The following AGBL4 variants were observed in gnomAD, a reference collection of about 807,000 sequenced individuals.
AGBL4 encodes AGBL carboxypeptidase 4, also known as cytosolic carboxypeptidase 6.
A neutral mutation model predicts 66.4 loss-of-function variants in AGBL4; 58 were observed. The ratio of observed to expected loss-of-function variants is 0.87; its 90% CI spans 0.71 to 1.09. The LOEUF is 1.09. Ranked by LOEUF, AGBL4 falls within the 50% of genes least tolerant of loss-of-function variation. AGBL4 has a pLI of 0.00. For missense variants in AGBL4, 579 were observed against 631.0 expected (o/e 0.92, Z 0.88); for synonymous variants, 234 against 222.9 (o/e 1.05, Z -0.44).
chr1:49,928,502 ACCTCCC>A (rs2148257614), intron 1 of AGBL4, among the ~76,000 whole-genome samples: 1 of 151,920 alleles, frequency 6.6e-6, no homozygotes, highest in East Asian at 1.9e-4. Context: ...ACCCACCTTG[ACCTCCC>A]AAAGTGCTGA....
intron 1 of AGBL4, among the ~76,000 whole-genome samples, chr1:49,985,059 C>T (rs1659385130): frequency 6.6e-6 from 1 of 152,136 alleles, no homozygotes; most frequent in South Asian, 2.1e-4. Flanking sequence ...TACAGTACTA[C>T]ATGCTTGGGA....
chr1:49,061,286 C>T (rs1219958111), intron 4 of AGBL4, among the ~76,000 whole-genome samples: 1 of 152,110 alleles, frequency 6.6e-6, no homozygotes, highest in Non-Finnish European at 1.5e-5. Context: ...GGAGTGAGGG[C>T]TAACCTACCA....
intron 4 of AGBL4, among the ~76,000 whole-genome samples, chr1:49,056,188 A>T (rs1389033492): frequency 2.6e-5 from 4 of 152,128 alleles, no homozygotes; most frequent in African/African-American, 9.7e-5. Flanking sequence ...ATACAAAATT[A>T]AAAAAATATA....
intron 2 of AGBL4, among the ~76,000 whole-genome samples, chr1:49,832,407 T>C (rs1041205664): frequency 6.6e-6 from 1 of 150,730 alleles, no homozygotes; most frequent in African/African-American, 2.4e-5. Flanking sequence ...TGTTGGACAT[T>C]TGGCTTGGTT....
chr1:49,457,730 T>C (rs910532058), intron 3 of AGBL4, among the ~76,000 whole-genome samples: 3 of 151,872 alleles, frequency 2.0e-5, no homozygotes, highest in African/African-American at 7.2e-5. Flanking sequence ...CTTTAGTTTA[T>C]TTTTGTACAA....
intron 3 of AGBL4, among the ~76,000 whole-genome samples, chr1:49,391,787 T>A (rs1315344468): frequency 6.6e-6 from 1 of 152,028 alleles, no homozygotes; most frequent in Non-Finnish European, 1.5e-5. Context: ...GGTCTTGATC[T>A]CCTGACCTCG....
At chr1:48,793,493 C>G (rs918451624) in intron 6 of AGBL4, among the ~76,000 whole-genome samples, 1 of 152,176 alleles carries the variant, frequency 6.6e-6, no homozygotes. Flanking sequence ...CCCCTTTGGC[C>G]CTCAGACTCA....
intron 3 of AGBL4, among the ~76,000 whole-genome samples, chr1:49,361,841 G>T (rs1344201145): frequency 1.3e-5 from 2 of 151,958 alleles, no homozygotes; most frequent in Non-Finnish European, 2.9e-5. Context: ...CATGGACCAT[G>T]ATAACTTTTA....
At chr1:49,462,696 C>A (rs777635896) in intron 3 of AGBL4, among the ~76,000 whole-genome samples, 8 of 151,596 alleles carry the variant, frequency 5.3e-5, no homozygotes, top group Admixed American at 1.3e-4. Flanking sequence ...TGGGCTTTGG[C>A]TATATTGTTT....
At chr1:48,586,906 C>T (rs761887867) in intron 11 of AGBL4, 98 bp downstream of exon 11, 1 of 1,494,314 alleles carries the variant, frequency 6.7e-7, no homozygotes, top group South Asian at 1.2e-5. Context: ...AGAGTCTCAG[C>T]CCTTACCTGA....
chr1:49,606,304 C>G (rs1362069276), intron 3 of AGBL4, among the ~76,000 whole-genome samples: 1 of 152,064 alleles, frequency 6.6e-6, no homozygotes, highest in Non-Finnish European at 1.5e-5. Context: ...GTCAAGTCAT[C>G]CATAAGATAG....
chr1:49,215,591 AC>A (rs1468406854), intron 4 of AGBL4, among the ~76,000 whole-genome samples: 1 of 151,836 alleles, frequency 6.6e-6, no homozygotes, highest in African/African-American at 2.4e-5. Context: ...CAGTTTCTGT[AC>A]TCTTTTTCAC....
At chr1:49,900,958 T>C (rs1319349132) in intron 1 of AGBL4, among the ~76,000 whole-genome samples, 3 of 152,210 alleles carry the variant, frequency 2.0e-5, no homozygotes, top group Non-Finnish European at 4.4e-5. Context: ...GCTATTGTTT[T>C]TATAGGTACC....
chr1:48,716,205 C>T (rs61774582), intron 6 of AGBL4, among the ~76,000 whole-genome samples: 261 of 152,298 alleles, frequency 1.7e-3, no homozygotes, highest in Non-Finnish European at 3.1e-3. Flanking sequence ...AGTCCCTGCA[C>T]TGACTGGATT....
At chr1:49,082,032 G>A (rs992266410) in intron 4 of AGBL4, among the ~76,000 whole-genome samples, 4 of 152,170 alleles carry the variant, frequency 2.6e-5, no homozygotes, top group African/African-American at 9.7e-5. Flanking sequence ...TTTTGATTAA[G>A]AGGAGGGCCA....
At chr1:49,995,150 G>A (rs1001277696) in intron 1 of AGBL4, 6 of 456,138 alleles carry the variant, frequency 1.3e-5, no homozygotes, top group Non-Finnish European at 2.2e-5. Context: ...ATCTGGGAAA[G>A]GGGTGACCCA....
intron 2 of AGBL4, among the ~76,000 whole-genome samples, chr1:49,750,995 G>T (rs1298019885): frequency 1.3e-5 from 2 of 152,138 alleles, no homozygotes; most frequent in Admixed American, 6.6e-5. Context: ...GGGCTGAGAT[G>T]ATGGAGTTTT....
intron 6 of AGBL4, among the ~76,000 whole-genome samples, chr1:48,770,513 C>T (rs1050019943): frequency 3.9e-5 from 6 of 152,130 alleles, no homozygotes; most frequent in East Asian, 3.9e-4. Context: ...TGCCCTTGCA[C>T]GCTTCTCTCA....
intron 1 of AGBL4, among the ~76,000 whole-genome samples, chr1:49,860,908 T>TCA (rs1183991362): frequency 6.6e-6 from 1 of 152,034 alleles, no homozygotes; most frequent in Non-Finnish European, 1.5e-5. Flanking sequence ...ACTGAAGAGA[T>TCA]CACAAAAACA....
Sources: allele counts gnomAD v4.1 joint callset (sites outside exome capture counted in the v4.1 genomes callset), GRCh38; gene constraint gnomAD v4.1.1; transcripts MANE v1.5; gene names NCBI Gene and HGNC (gene_info 2026-07-23, HGNC 2026-07-21).